Variants in RBM27 observed in about 807,000 individuals in gnomAD.
RBM27 encodes RNA-binding protein 27.
A neutral mutation model predicts 135.3 loss-of-function variants in RBM27; 22 were observed. The ratio of observed to expected loss-of-function variants is 0.16; its 90% confidence interval spans 0.12 to 0.23. RBM27 has a LOEUF of 0.23. Among genes scored for constraint, RBM27 ranks in the 10% least tolerant of loss-of-function variants. The pLI is 1.00. For synonymous variants in RBM27, 481 were observed against 442.4 expected, an observed-to-expected ratio of 1.09 and a Z score of -1.10; for missense variants, 1,009 against 1,281.0, an observed-to-expected ratio of 0.79 and a Z score of 3.24.
chr5:146,246,009 T>C (rs781494475), intron 8 of RBM27, among the ~76,000 whole-genome samples: 3 of 152,218 alleles, frequency 2.0e-5, no homozygotes. Flanking sequence ...CATACAGATA[T>C]TCATCCAAAG....
intron 8 of RBM27, among the ~76,000 whole-genome samples, chr5:146,248,874 AGAT>A (rs1757752551): frequency 6.6e-6 from 1 of 152,236 alleles, no homozygotes; most frequent in Non-Finnish European, 1.5e-5. Context: ...ATACTTAATT[AGAT>A]AGTATACTTA....
At chr5:146,204,231 A>G (rs570897305) in intron 1 of RBM27, among the ~76,000 whole-genome samples, 39 of 152,334 alleles carry the variant, frequency 2.6e-4, no homozygotes, top group African/African-American at 8.7e-4. Flanking sequence ...GGGTTTGATA[A>G]ACATTATTAT....
At chr5:146,262,384 G>A (rs903056090) in intron 13 of RBM27, among the ~76,000 whole-genome samples, 2 of 152,096 alleles carry the variant, frequency 1.3e-5, no homozygotes, top group Non-Finnish European at 2.9e-5. Flanking sequence ...GGGAATAGAA[G>A]CTCCAAGAGA....
At chr5:146,244,718 A>G (rs1284802336) in intron 8 of RBM27, among the ~76,000 whole-genome samples, 1 of 150,266 alleles carries the variant, frequency 6.7e-6, no homozygotes, top group Non-Finnish European at 1.5e-5. Context: ...TTTTTAAATT[A>G]TTTATAAAGA....
chr5:146,207,594 G>A (rs994736143), intron 1 of RBM27, among the ~76,000 whole-genome samples: 2 of 151,012 alleles, frequency 1.3e-5, no homozygotes, highest in Admixed American at 6.6e-5. Context: ...TCCAATTCCC[G>A]GGGGATTTTT....
At chr5:146,231,929 T>C (rs1395544149) in intron 6 of RBM27, among the ~76,000 whole-genome samples, 2 of 152,234 alleles carry the variant, frequency 1.3e-5, no homozygotes, top group African/African-American at 2.4e-5. Context: ...ATTGTCATTT[T>C]TTTGAGTAGT....
intron 3 of RBM27, among the ~76,000 whole-genome samples, chr5:146,224,737 A>G (rs888933122): frequency 6.6e-6 from 1 of 152,024 alleles, no homozygotes; most frequent in Admixed American, 6.6e-5. Flanking sequence ...TATGACGTCT[A>G]TCTAGATAAA....
intron 1 of RBM27, among the ~76,000 whole-genome samples, chr5:146,215,434 A>G (rs1036095318): frequency 3.3e-5 from 5 of 152,186 alleles, no homozygotes; most frequent in Admixed American, 6.5e-5. Flanking sequence ...TTTATTATCC[A>G]TACCCAGCAC....
chr5:146,216,669 A>G (rs1214063148), intron 1 of RBM27, among the ~76,000 whole-genome samples: 1 of 151,906 alleles, frequency 6.6e-6, no homozygotes, highest in Non-Finnish European at 1.5e-5. Context: ...TTTATTTTTT[A>G]TTTTTTGAGA....
intron 8 of RBM27, among the ~76,000 whole-genome samples, chr5:146,247,664 A>G (rs1475302499): frequency 6.6e-6 from 1 of 152,164 alleles, no homozygotes; most frequent in African/African-American, 2.4e-5. Context: ...TATTACCTGT[A>G]AATTTGAAGT....
intron 10 of RBM27, among the ~76,000 whole-genome samples, chr5:146,255,868 T>G (rs1431638519): frequency 1.3e-5 from 2 of 151,926 alleles, no homozygotes; most frequent in Non-Finnish European, 2.9e-5. Flanking sequence ...CTTCTTTTTT[T>G]TTTTTGAAAT....
chr5:146,208,198 A>G (rs1267346531), intron 1 of RBM27, among the ~76,000 whole-genome samples: 1 of 151,322 alleles, frequency 6.6e-6, no homozygotes, highest in Non-Finnish European at 1.5e-5. Context: ...CTCGTGATCC[A>G]CCTGCCTCGG....
At chr5:146,272,371 G>A (rs1352769001) in intron 19 of RBM27, among the ~76,000 whole-genome samples, 1 of 152,128 alleles carries the variant, frequency 6.6e-6, no homozygotes, top group Non-Finnish European at 1.5e-5. Flanking sequence ...AGATAACCAG[G>A]TTCCCTATTC....
intron 1 of RBM27, among the ~76,000 whole-genome samples, chr5:146,208,902 A>C (rs1755821179): frequency 6.6e-6 from 1 of 152,208 alleles, no homozygotes; most frequent in African/African-American, 2.4e-5. Flanking sequence ...GGCTTAGTGT[A>C]AAACTTTCTC....
chr5:146,265,264 A>C (rs995610255), intron 14 of RBM27, among the ~76,000 whole-genome samples: 1 of 152,210 alleles, frequency 6.6e-6, no homozygotes, highest in African/African-American at 2.4e-5. Flanking sequence ...CAACTATATA[A>C]AGAATGAAGA....
rs758805152 is a variant in RBM27, at chr5:146,230,880, A to C, written c.813A>C (p.Arg271=). 2 of 1,614,216 alleles carry C rather than the reference A, an allele frequency of 1.2e-6. No individual in the cohort carries two copies. The highest frequency in any genetic ancestry group is 1.3e-5 in the African/African-American group (1 of 75,058). ...NNHSSSNSFG[R]NLPPKRRCRD... ...ATAGCTCTTCCAATTCTTTTGGTCGAAACCTACCACCAAAGAGGCGATGCA... is the reference window on the plus strand; with the variant it reads ...ATAGCTCTTCCAATTCTTTTGGTCGCAACCTACCACCAAAGAGGCGATGCA... The change falls in exon 6 of 21, where the codon CGA becomes CGC. Residue 271 remains arginine, a synonymous_variant. Coordinates refer to ENST00000265271, the MANE Select transcript of RBM27 (RefSeq NM_018989.2).
intron 2 of RBM27, 43 bp downstream of exon 2, chr5:146,219,146 T>C (rs975606372): frequency 1.4e-6 from 2 of 1,413,072 alleles, no homozygotes. Context: ...AGTAAAGATT[T>C]TAAGTTTAAA....
intron 8 of RBM27, among the ~76,000 whole-genome samples, chr5:146,248,614 C>T (rs561897398): frequency 6.6e-6 from 1 of 152,132 alleles, no homozygotes; most frequent in Non-Finnish European, 1.5e-5. Flanking sequence ...TACAGACATG[C>T]ACCACTACGC....
chr5:146,269,319 T>C (rs746516132), intron 16 of RBM27, 38 bp downstream of exon 16: 1 of 1,512,598 alleles, frequency 6.6e-7, no homozygotes, highest in Non-Finnish European at 9.0e-7. Context: ...CTAGAATTGA[T>C]GTATAGAATT....
Sources: gnomAD v4.1 joint callset for allele counts (sites outside exome capture counted in the v4.1 genomes callset) on GRCh38, gnomAD v4.1.1 for gene constraint, MANE v1.5 for transcripts, NCBI Gene and HGNC (gene_info 2026-07-23, HGNC 2026-07-21) for gene names.